The following PPARG variants were observed in gnomAD, a reference collection of about 807,000 sequenced individuals.
PPARG encodes the protein peroxisome proliferator activated receptor gamma, also known as peroxisome proliferator-activated receptor gamma.
Under a neutral mutation model 39.2 loss-of-function variants are expected in PPARG, and 17 were observed. The observed-to-expected ratio is 0.43, with a 90% CI of 0.30 to 0.65. The LOEUF is 0.65. Ranked by LOEUF, PPARG falls within the 30% of genes least tolerant of loss-of-function variation. PPARG has a pLI of 0.13. For synonymous variants in PPARG, 223 were observed against 215.7 expected, an observed-to-expected ratio of 1.03 and a Z score of -0.30; for missense variants, 406 against 585.9, an observed-to-expected ratio of 0.69 and a Z score of 3.17.
chr3:12,348,342 G>A (rs2048385076), intron 2 of PPARG, among the ~76,000 whole-genome samples: 1 of 152,170 alleles, frequency 6.6e-6, no homozygotes, highest in South Asian at 2.1e-4. Flanking sequence ...AAGTACCAAA[G>A]TGTGAAGAGT....
chr3:12,378,631 A>T (rs544177251), intron 2 of PPARG, among the ~76,000 whole-genome samples: 1 of 152,284 alleles, frequency 6.6e-6, no homozygotes, highest in South Asian at 2.1e-4. Context: ...TCGAACTCAT[A>T]AAAGCAGTGA....
At chr3:12,387,827 C>G (rs7627540) in intron 4 of PPARG, among the ~76,000 whole-genome samples, 2 of 152,106 alleles carry the variant, frequency 1.3e-5, no homozygotes, top group African/African-American at 4.8e-5. Flanking sequence ...CCTAGGTTTT[C>G]TTCTAGGGTT....
chr3:12,380,036 G>A, intron 3 of PPARG, 105 bp downstream of exon 3: 3 of 998,096 alleles, frequency 3.0e-6, no homozygotes, highest in Non-Finnish European at 4.7e-6. Flanking sequence ...ATCTAATAGA[G>A]AAGGCATTCA....
intron 2 of PPARG, among the ~76,000 whole-genome samples, chr3:12,338,839 A>G (rs28469357): frequency 0.09 from 13,753 of 152,212 alleles, 2,056 homozygotes; most frequent in African/African-American, 0.31. Context: ...ACCTTAGACA[A>G]CTAAAGTTGT....
In PPARG at chr3:12,345,607, G is replaced by A. The variant is rs150811647; in HGVS notation, c.-9+33154G>A. Reference sequence around the variant, plus strand: ...CTAATTTATCTAGGTCATGCTTTGGGCAAATCATTTCATTCCTCTGGAACC... The same window carrying A: ...CTAATTTATCTAGGTCATGCTTTGGACAAATCATTTCATTCCTCTGGAACC... On this transcript the variant is annotated intron_variant, in intron 2 of 7. Coordinates refer to ENST00000651735, the MANE Select transcript of PPARG (RefSeq NM_138711.6). Among the ~76,000 whole-genome samples the A allele has an allele frequency of 7.8e-4, 118 of 152,172 alleles. 2 individuals are homozygous for A. The East Asian group carries it at 0.023, about 29-fold the overall frequency.
intron 2 of PPARG, among the ~76,000 whole-genome samples, chr3:12,315,028 A>G (rs1201028490): frequency 6.6e-6 from 1 of 152,076 alleles, no homozygotes; most frequent in Non-Finnish European, 1.5e-5. Context: ...TGTTAATTAT[A>G]TTTACCCCAC....
chr3:12,314,961 T>C (rs1057159896), intron 2 of PPARG, among the ~76,000 whole-genome samples: 3 of 152,190 alleles, frequency 2.0e-5, no homozygotes, highest in African/African-American at 7.2e-5. Context: ...CATTTTTTTG[T>C]ATTGGGAGCA....
At chr3:12,406,370 ACCCTCTTTTAGGAT>A (rs1475545597) in intron 6 of PPARG, 5 of 408,926 alleles carry the variant, frequency 1.2e-5, no homozygotes, top group Non-Finnish European at 2.3e-5. Context: ...TGAGCCTATC[ACCCTCTTTTAGGAT>A]CCATCTCCTT....
intron 7 of PPARG, among the ~76,000 whole-genome samples, chr3:12,433,548 A>AAAAAGAAAAG (rs1177286754): frequency 6.6e-6 from 1 of 151,734 alleles, no homozygotes; most frequent in Non-Finnish European, 1.5e-5. Context: ...AAAAAAAAAA[A>AAAAAGAAAAG]AAAAGAAAAG....
intron 2 of PPARG, chr3:12,328,020 A>G: frequency 1.7e-6 from 2 of 1,158,402 alleles, no homozygotes; most frequent in Non-Finnish European, 2.6e-6. Flanking sequence ...TTGAACAGCT[A>G]AACAGAACGA....
intron 2 of PPARG, among the ~76,000 whole-genome samples, chr3:12,353,874 G>A (rs1442121102): frequency 6.6e-6 from 1 of 152,174 alleles, no homozygotes; most frequent in African/African-American, 2.4e-5. Context: ...GCTTCCACAA[G>A]CTCAAGCTGA....
chr3:12,414,027 G>T lies in PPARG; in HGVS notation c.730-2677G>T, dbSNP rs530783988. 5.9e-5 allele frequency among the ~76,000 whole-genome samples: 9 copies of T among 152,218 alleles called. No homozygotes were observed. In the East Asian group the frequency reaches 1.7e-3, roughly 29 times the overall value. ...ACAGAGTTTCAAAAACAGGAACCTGGAGCTTTATATGAGGGGACAGGGGAA... is the reference window on the plus strand; with the variant it reads ...ACAGAGTTTCAAAAACAGGAACCTGTAGCTTTATATGAGGGGACAGGGGAA... On this transcript the variant is annotated intron_variant, in intron 6 of 7. Coordinates refer to ENST00000651735, the MANE Select transcript of PPARG (RefSeq NM_138711.6).
At chr3:12,315,966 G>A (rs2047377376) in intron 2 of PPARG, among the ~76,000 whole-genome samples, 1 of 152,172 alleles carries the variant, frequency 6.6e-6, no homozygotes, top group South Asian at 2.1e-4. Context: ...AGAACTCGTA[G>A]TCTTATATTT....
At chr3:12,307,854 G>C (rs1302513311) in intron 1 of PPARG, among the ~76,000 whole-genome samples, 1 of 152,142 alleles carries the variant, frequency 6.6e-6, no homozygotes, top group African/African-American at 2.4e-5. Context: ...TGTCCAATTA[G>C]GTGTTGAATT....
intron 4 of PPARG, among the ~76,000 whole-genome samples, chr3:12,382,806 C>T (rs1011952381): frequency 2.0e-5 from 3 of 151,982 alleles, no homozygotes; most frequent in Non-Finnish European, 2.9e-5. Context: ...CCCATCCCTA[C>T]AAAATTTTTA....
At position 12,414,456 on chromosome 3, in the gene PPARG, A is replaced by G. The variant is rs151285172; in HGVS notation, c.730-2248A>G. Among the ~76,000 whole-genome samples the G allele has an allele frequency of 4.3e-3, 651 of 152,286 alleles. 7 individuals are homozygous for G. The highest frequency in any genetic ancestry group is 0.015 in the African/African-American group (603 of 41,550). On this transcript the variant is annotated intron_variant, in intron 6 of 7. Transcript: ENST00000651735. ...ACATACATAGCAAGACCTCATCTCA[A>G]AAAATGAAATAATTTTTTTTTAGAA...
chr3:12,375,249 A>T (rs1029839671), intron 2 of PPARG, among the ~76,000 whole-genome samples: 1 of 151,700 alleles, frequency 6.6e-6, no homozygotes, highest in Non-Finnish European at 1.5e-5. Context: ...GAGGTGGGAG[A>T]GAGAGAGAGA....
intron 1 of PPARG, among the ~76,000 whole-genome samples, chr3:12,299,261 A>G (rs528447130): frequency 1.3e-5 from 2 of 152,248 alleles, no homozygotes; most frequent in African/African-American, 4.8e-5. Flanking sequence ...TTGAGTTTAC[A>G]ATTATTGTTA....
At chr3:12,381,522 G>A (rs746236883) in intron 4 of PPARG, 31 bp downstream of exon 4, 4 of 1,604,010 alleles carry the variant, frequency 2.5e-6, no homozygotes, top group Admixed American at 3.4e-5. Context: ...CAAAGAAATT[G>A]TTGAAACTTT....
Sources: allele counts gnomAD v4.1 joint callset (sites outside exome capture counted in the v4.1 genomes callset), GRCh38; gene constraint gnomAD v4.1.1; transcripts MANE v1.5; gene names NCBI Gene and HGNC (gene_info 2026-07-23, HGNC 2026-07-21).